The following DLC1 variants were observed in gnomAD, a reference collection of about 807,000 sequenced individuals.
DLC1 encodes the protein rho GTPase-activating protein 7.
Under a neutral mutation model 140.3 loss-of-function variants are expected in DLC1, and 54 were observed. The observed-to-expected ratio is 0.38, with a 90% confidence interval of 0.31 to 0.48. The LOEUF (loss-of-function observed/expected upper bound fraction) is 0.48. DLC1 is among the 20% of genes least tolerant of loss of function. DLC1 has a pLI of 0.96. For missense variants in DLC1, 2,536 were observed against 1,907.0 expected, an observed-to-expected ratio of 1.33 and a Z score of -6.14; for synonymous variants, 986 against 728.1, an observed-to-expected ratio of 1.35 and a Z score of -5.70.
chr8:13,399,496 T>C (rs1307463199), intron 3 of DLC1, among the ~76,000 whole-genome samples: 1 of 152,152 alleles, frequency 6.6e-6, no homozygotes, highest in Non-Finnish European at 1.5e-5. Context: ...ATGAAGTAAC[T>C]TACATAAAGC....
At chr8:13,109,887 AAAAAACAGAAAC>A (rs1315330007) in intron 7 of DLC1, among the ~76,000 whole-genome samples, 6 of 152,314 alleles carry the variant, frequency 3.9e-5, no homozygotes, top group South Asian at 2.1e-4. Flanking sequence ...CTCCTTCTCA[AAAAAACAGAAAC>A]AAAAACAGAA....
chr8:13,453,467 T>TAC (rs1449492224), intron 2 of DLC1, among the ~76,000 whole-genome samples: 3 of 27,324 alleles, frequency 1.1e-4, no homozygotes, highest in Non-Finnish European at 1.8e-4. Context: ...TATGTATATA[T>TAC]ATACATATAT....
intron 4 of DLC1, among the ~76,000 whole-genome samples, chr8:13,369,969 G>A (rs768893347): frequency 3.3e-5 from 5 of 150,696 alleles, no homozygotes; most frequent in African/African-American, 4.9e-5. Flanking sequence ...CAAGGCCTCT[G>A]AGGTCTTTGG....
intron 1 of DLC1, among the ~76,000 whole-genome samples, chr8:13,523,959 A>G (rs766497592): frequency 2.0e-5 from 3 of 151,754 alleles, no homozygotes; most frequent in Non-Finnish European, 4.4e-5. Flanking sequence ...TGCATTATTA[A>G]GTAGGAGAGA....
intron 5 of DLC1, among the ~76,000 whole-genome samples, chr8:13,188,279 A>T (rs1826503792): frequency 2.6e-5 from 4 of 151,316 alleles, no homozygotes; most frequent in African/African-American, 9.7e-5. Flanking sequence ...AAGGGGTTTC[A>T]CCACATTGGC....
chr8:13,166,081 T>G (rs1434198689), intron 5 of DLC1, among the ~76,000 whole-genome samples: 2 of 152,170 alleles, frequency 1.3e-5, no homozygotes, highest in Non-Finnish European at 2.9e-5. Flanking sequence ...GCTCACCATC[T>G]TTCCTCCTGG....
intron 1 of DLC1, among the ~76,000 whole-genome samples, chr8:13,598,467 G>C (rs1805754926): frequency 6.6e-6 from 1 of 151,990 alleles, no homozygotes; most frequent in South Asian, 2.1e-4. Context: ...TGGTTAAATA[G>C]GATATAGGAG....
intron 5 of DLC1, among the ~76,000 whole-genome samples, chr8:13,121,731 T>C (rs1282048154): frequency 1.3e-5 from 2 of 152,046 alleles, no homozygotes; most frequent in Admixed American, 6.6e-5. Flanking sequence ...TATACTATTT[T>C]TTATAGAGAC....
chr8:13,558,415 C>T (rs1804128852), intron 1 of DLC1: 1 of 151,966 alleles, frequency 6.6e-6, no homozygotes, highest in Non-Finnish European at 1.5e-5. Context: ...TGGAGGACTC[C>T]CTGAAGGACT....
At chr8:13,565,726 G>C (rs1804405814) in intron 1 of DLC1, among the ~76,000 whole-genome samples, 1 of 152,160 alleles carries the variant, frequency 6.6e-6, no homozygotes, top group African/African-American at 2.4e-5. Context: ...AACTGAGAAA[G>C]AAGGGTGTCT....
At chr8:13,328,098 G>A (rs1330138867) in intron 4 of DLC1, among the ~76,000 whole-genome samples, 1 of 152,190 alleles carries the variant, frequency 6.6e-6, no homozygotes, top group Non-Finnish European at 1.5e-5. Context: ...TGCTGAGGCG[G>A]TCACTAGATC....
chr8:13,095,706 A>G (rs534487434), intron 10 of DLC1: 45 of 159,326 alleles, frequency 2.8e-4, no homozygotes, highest in Non-Finnish European at 4.3e-4. Context: ...TGCATCTGAT[A>G]GAGTGTGAAA....
At chr8:13,508,015 A>G (rs1044221365) in intron 1 of DLC1, among the ~76,000 whole-genome samples, 3 of 152,312 alleles carry the variant, frequency 2.0e-5, no homozygotes, top group Middle Eastern at 3.4e-3. Flanking sequence ...TCAGTGATTC[A>G]GGCAAATTTG....
At chr8:13,480,167 ATCC>A (rs1356216335) in intron 2 of DLC1, among the ~76,000 whole-genome samples, 1 of 152,214 alleles carries the variant, frequency 6.6e-6, no homozygotes, top group Non-Finnish European at 1.5e-5. Flanking sequence ...GAGAAATATC[ATCC>A]AGTTTCTCAA....
chr8:13,428,193 G>A (rs7003283), intron 2 of DLC1, among the ~76,000 whole-genome samples: 74,428 of 151,878 alleles, frequency 0.49, 18,766 homozygotes, highest in African/African-American at 0.6. Context: ...GGGAGGTGCA[G>A]GTACCTTCAC....
intron 2 of DLC1, among the ~76,000 whole-genome samples, chr8:13,445,337 T>C (rs1158097838): frequency 6.6e-6 from 1 of 152,042 alleles, no homozygotes; most frequent in East Asian, 1.9e-4. Flanking sequence ...AAACGAATGA[T>C]CTGAGGAAGG....
chr8:13,365,254 T>C (rs56281041), intron 4 of DLC1, among the ~76,000 whole-genome samples: 4 of 152,118 alleles, frequency 2.6e-5, no homozygotes, highest in African/African-American at 9.7e-5. Flanking sequence ...ATATCTATCC[T>C]TTAGAACAAA....
intron 2 of DLC1, among the ~76,000 whole-genome samples, chr8:13,440,923 G>A (rs143526982): frequency 2.4e-4 from 37 of 152,062 alleles, no homozygotes; most frequent in East Asian, 1.9e-3. Context: ...TCCCGGTCTC[G>A]TGTGTGTCTT....
chr8:13,096,364 C>T (rs1314580272), intron 10 of DLC1, among the ~76,000 whole-genome samples: 1 of 152,098 alleles, frequency 6.6e-6, no homozygotes, highest in Non-Finnish European at 1.5e-5. Flanking sequence ...CAGAGGAACT[C>T]CAGAGAAGAC....
Sources: gnomAD v4.1 joint callset for allele counts (sites outside exome capture counted in the v4.1 genomes callset) on GRCh38, gnomAD v4.1.1 for gene constraint, MANE v1.5 for transcripts, NCBI Gene and HGNC (gene_info 2026-07-23, HGNC 2026-07-21) for gene names.